The following NTRK2 variants were observed in gnomAD, a reference collection of about 807,000 sequenced individuals.
NTRK2 encodes BDNF/NT-3 growth factors receptor.
Under a neutral mutation model 94.5 loss-of-function variants are expected in NTRK2, and 13 were observed. The observed-to-expected ratio is 0.14, with a 90% confidence interval of 0.09 to 0.22. The LOEUF (loss-of-function observed/expected upper bound fraction) is 0.22, where lower values mean the gene tolerates loss of function less well. NTRK2 is among the 10% of genes least tolerant of loss of function. NTRK2 has a pLI of 1.00. For synonymous variants in NTRK2, 372 were observed against 407.4 expected, an observed-to-expected ratio of 0.91 and a Z score of 1.05; for missense variants, 639 against 1,071.2, an observed-to-expected ratio of 0.60 and a Z score of 5.63.
At chr9:84,702,066 A>G in intron 2 of NTRK2, 93 bp from the exon 3 acceptor site, 1 of 1,106,962 alleles carries the variant, frequency 9.0e-7, no homozygotes, top group Non-Finnish European at 1.4e-6. Context: ...TGGAGGGAGC[A>G]CCTTGGACAC....
chr9:84,948,764 C>A, intron 16 of NTRK2, 130 bp downstream of exon 16: 1 of 727,034 alleles, frequency 1.4e-6, no homozygotes, highest in Non-Finnish European at 2.3e-6. Flanking sequence ...ATGACACCAG[C>A]ATATGCCAGA....
At chr9:84,828,606 C>T (rs2073335525) in intron 12 of NTRK2, among the ~76,000 whole-genome samples, 1 of 152,038 alleles carries the variant, frequency 6.6e-6, no homozygotes, top group Admixed American at 6.5e-5. Context: ...AATTGTATGC[C>T]AAGTGTGTCT....
Position 84,821,132 on chromosome 9 carries a change from T to A in NTRK2, c.1397-39908T>A, listed in dbSNP as rs990379025. 5.3e-5 allele frequency among the ~76,000 whole-genome samples: 8 copies of A among 152,160 alleles called. No individual in the cohort carries two copies. In the East Asian group the frequency reaches 5.8e-4, roughly 11 times the overall value. ...TTTTTATTTCTCTTTTATCTTTTTTTAAAAAAATCATTTTCTTCTCTTTTC... is the reference window on the plus strand; with the variant it reads ...TTTTTATTTCTCTTTTATCTTTTTTAAAAAAAATCATTTTCTTCTCTTTTC... On this transcript the variant is annotated intron_variant, in intron 12 of 18. Transcript: ENST00000277120.
intron 2 of NTRK2, among the ~76,000 whole-genome samples, chr9:84,676,929 A>C (rs933478379): frequency 1.3e-5 from 2 of 149,590 alleles, no homozygotes. Context: ...TATAGGAAGA[A>C]ATATATTTTC....
intron 12 of NTRK2, among the ~76,000 whole-genome samples, chr9:84,777,759 G>A (rs1246267643): frequency 6.6e-6 from 1 of 152,164 alleles, no homozygotes; most frequent in African/African-American, 2.4e-5. Context: ...GCAAGCCATT[G>A]CAAAACAGTC....
At chr9:84,857,317 G>A (rs1158787909) in intron 12 of NTRK2, among the ~76,000 whole-genome samples, 1 of 152,150 alleles carries the variant, frequency 6.6e-6, no homozygotes, top group African/African-American at 2.4e-5. Flanking sequence ...GCTCAGTACA[G>A]CTACATTTAC....
intron 2 of NTRK2, among the ~76,000 whole-genome samples, chr9:84,681,551 G>T (rs1377735067): frequency 2.0e-5 from 3 of 152,154 alleles, no homozygotes; most frequent in Admixed American, 2.0e-4. Context: ...TACCGGGCTT[G>T]CAGTGTGTGG....
At chr9:84,711,235 T>C (rs2061403006) in intron 6 of NTRK2, among the ~76,000 whole-genome samples, 1 of 152,148 alleles carries the variant, frequency 6.6e-6, no homozygotes. Flanking sequence ...TCCAGCACAT[T>C]CCCTTAAACT....
chr9:84,876,362 G>A (rs1386418118), intron 14 of NTRK2: 1 of 1,052,230 alleles, frequency 9.5e-7, no homozygotes, highest in Non-Finnish European at 1.1e-6. Context: ...CACCTGAATT[G>A]TTTTCCTACA....
chr9:84,810,945 T>C (rs2071713168), intron 12 of NTRK2: 1 of 1,145,636 alleles, frequency 8.7e-7, no homozygotes, highest in African/African-American at 1.6e-5. Context: ...ATTTATTGAC[T>C]TAATTGCTTC....
At chr9:84,730,909 A>G (rs982098637) in intron 9 of NTRK2, among the ~76,000 whole-genome samples, 1 of 151,592 alleles carries the variant, frequency 6.6e-6, no homozygotes, top group South Asian at 2.1e-4. Flanking sequence ...TAATTGATGA[A>G]GAAGTTTAGC....
intron 14 of NTRK2, among the ~76,000 whole-genome samples, chr9:84,919,535 T>C (rs1025618379): frequency 1.3e-5 from 2 of 152,200 alleles, no homozygotes; most frequent in African/African-American, 4.8e-5. Flanking sequence ...TAAGCCTCTG[T>C]TCCCTTAGCT....
At chr9:84,894,412 T>C (rs1290698814) in intron 14 of NTRK2, among the ~76,000 whole-genome samples, 1 of 152,212 alleles carries the variant, frequency 6.6e-6, no homozygotes, top group Non-Finnish European at 1.5e-5. Context: ...GTTGAGCGAC[T>C]CCTTTGACTT....
At chr9:84,884,858 A>G (rs896048157) in intron 14 of NTRK2, among the ~76,000 whole-genome samples, 2 of 152,186 alleles carry the variant, frequency 1.3e-5, no homozygotes, top group Admixed American at 1.3e-4. Context: ...TATTTTCTTT[A>G]TTTAATATGT....
chr9:84,695,074 A>C (rs1038815603), intron 2 of NTRK2, among the ~76,000 whole-genome samples: 1 of 34,152 alleles, frequency 2.9e-5, no homozygotes, highest in Non-Finnish European at 6.4e-5. Context: ...AAAAAAAAAA[A>C]CACACAACAA....
chr9:84,877,687 C>T (rs201544473), intron 14 of NTRK2: 9 of 1,062,420 alleles, frequency 8.5e-6, no homozygotes, highest in Non-Finnish European at 1.0e-5. Flanking sequence ...ACATTTCATG[C>T]AAGGGAGCGG....
chr9:84,811,028 G>T, intron 12 of NTRK2: 2 of 1,090,484 alleles, frequency 1.8e-6, no homozygotes, highest in Admixed American at 4.6e-5. Context: ...ACACTGAATA[G>T]TCTAATCTAC....
intron 12 of NTRK2, among the ~76,000 whole-genome samples, chr9:84,836,860 C>T (rs1055152489): frequency 2.0e-5 from 3 of 149,764 alleles, no homozygotes; most frequent in African/African-American, 7.4e-5. Context: ...TCCTGCCAAG[C>T]GAGTGTAACT....
chr9:84,769,818 G>A (rs7025861), intron 12 of NTRK2, among the ~76,000 whole-genome samples: 14 of 152,102 alleles, frequency 9.2e-5, no homozygotes, highest in Middle Eastern at 3.4e-3. Context: ...ATTTTATACT[G>A]TCAGGAAGTA....
Sources: gnomAD v4.1 joint callset for allele counts (sites outside exome capture counted in the v4.1 genomes callset) on GRCh38, gnomAD v4.1.1 for gene constraint, MANE v1.5 for transcripts, NCBI Gene and HGNC (gene_info 2026-07-23, HGNC 2026-07-21) for gene names.